The following FRAS1 variants were observed in gnomAD, a reference collection of about 807,000 sequenced individuals.
FRAS1 encodes the protein extracellular matrix organizing protein FRAS1.
FRAS1 carries 290 observed loss-of-function variants against 435.2 expected under a neutral mutation model. That is an observed-to-expected ratio of 0.67 (90% CI 0.61 to 0.73). The LOEUF (loss-of-function observed/expected upper bound fraction) is 0.73. Among genes scored for constraint, FRAS1 ranks in the 30% least tolerant of loss-of-function variants. The pLI, the probability that FRAS1 is intolerant of heterozygous loss-of-function variation, is 0.00. For synonymous variants in FRAS1, 1,800 were observed against 1,851.0 expected, an observed-to-expected ratio of 0.97 and a Z score of 0.71; for missense variants, 4,860 against 5,001.5, an observed-to-expected ratio of 0.97 and a Z score of 0.85.
chr4:78,347,960 T>C (rs1447321466), intron 20 of FRAS1, among the ~76,000 whole-genome samples: 1 of 148,600 alleles, frequency 6.7e-6, no homozygotes, highest in Admixed American at 6.8e-5. Flanking sequence ...AAACATAAAT[T>C]GGATACAAAG....
chr4:78,215,008 A>C (rs1401618972), intron 2 of FRAS1, among the ~76,000 whole-genome samples: 1 of 152,102 alleles, frequency 6.6e-6, no homozygotes, highest in Non-Finnish European at 1.5e-5. Context: ...TCAGGGGCCA[A>C]TCAGTAAACC....
chr4:78,116,101 C>G (rs1331773732), intron 2 of FRAS1, among the ~76,000 whole-genome samples: 1 of 152,144 alleles, frequency 6.6e-6, no homozygotes, highest in Non-Finnish European at 1.5e-5. Context: ...AGTAGTCATT[C>G]AGGAGCAGGT....
intron 9 of FRAS1, among the ~76,000 whole-genome samples, chr4:78,268,426 CT>C (rs1349613580): frequency 6.6e-6 from 1 of 152,094 alleles, no homozygotes; most frequent in Admixed American, 6.5e-5. Context: ...CCTTAGATGC[CT>C]TTTCATTTAT....
intron 2 of FRAS1, among the ~76,000 whole-genome samples, chr4:78,220,264 G>C (rs1181464159): frequency 2.6e-5 from 4 of 152,076 alleles, no homozygotes. Context: ...GTCTATGGCT[G>C]GTCAAATTCA....
At chr4:78,135,799 T>G (rs558043527) in intron 2 of FRAS1, among the ~76,000 whole-genome samples, 1 of 152,294 alleles carries the variant, frequency 6.6e-6, no homozygotes, top group Admixed American at 6.5e-5. Context: ...CACAACTGTA[T>G]GTGGAAGTCC....
At chr4:78,104,577 G>A (rs1742295598) in intron 2 of FRAS1, among the ~76,000 whole-genome samples, 1 of 152,162 alleles carries the variant, frequency 6.6e-6, no homozygotes, top group South Asian at 2.1e-4. Flanking sequence ...TTGCTTTCGT[G>A]TTGCCTGTTA....
At position 78,541,011 on chromosome 4, in the gene FRAS1, G is replaced by A. The variant is rs771535745; in HGVS notation, c.11926G>A (p.Val3976Ile). The A allele has an allele frequency of 5.2e-6, 8 of 1,548,768 alleles. No individual in the cohort carries two copies. Among genetic ancestry groups the A allele is most frequent in the East Asian group, 2.3e-5 (1 of 43,846 alleles). The change falls in exon 74 of 74, where the codon GTC becomes ATC. Residue 3976 changes from valine to isoleucine, a missense_variant. Physicochemically the swap from Val to Ile is conservative, Grantham distance 29 (BLOSUM62 3). Transcript: ENST00000512123. ...VNRHYCTVRN[V>I]NILSEPEAAY... Reference sequence around the variant, plus strand: ...TAGACACTACTGCACTGTGCGGAACGTCAACATCCTGAGTGAGCCTGAGGC... The same window carrying A: ...TAGACACTACTGCACTGTGCGGAACATCAACATCCTGAGTGAGCCTGAGGC...
chr4:78,372,048 C>T (rs1163729242), intron 23 of FRAS1, among the ~76,000 whole-genome samples: 1 of 152,166 alleles, frequency 6.6e-6, no homozygotes, highest in Non-Finnish European at 1.5e-5. Flanking sequence ...TATATTGCCC[C>T]CTCCTGCTGT....
intron 53 of FRAS1, among the ~76,000 whole-genome samples, chr4:78,474,636 G>A (rs1719806035): frequency 6.6e-6 from 1 of 152,030 alleles, no homozygotes; most frequent in Non-Finnish European, 1.5e-5. Flanking sequence ...ACATTTAATG[G>A]ACTAAGTGGT....
At chr4:78,528,390 CT>C (rs2109900112) in intron 70 of FRAS1, among the ~76,000 whole-genome samples, 1 of 152,258 alleles carries the variant, frequency 6.6e-6, no homozygotes, top group East Asian at 1.9e-4. Flanking sequence ...AAAAAGATTC[CT>C]CGTGTGCCTT....
intron 66 of FRAS1, 141 bp from the exon 67 acceptor site, chr4:78,519,190 C>A (rs1466890675): frequency 1.6e-6 from 1 of 615,186 alleles, no homozygotes; most frequent in Non-Finnish European, 2.5e-6. Context: ...TAAGTAAGTG[C>A]AATCATGGGC....
chr4:78,060,698 C>T (rs999560021), intron 1 of FRAS1, among the ~76,000 whole-genome samples: 7 of 152,074 alleles, frequency 4.6e-5, no homozygotes, highest in Non-Finnish European at 4.4e-5. Context: ...AACCTCTTTG[C>T]GCTATAGTTC....
intron 2 of FRAS1, among the ~76,000 whole-genome samples, chr4:78,101,000 CT>C (rs1365591744): frequency 6.6e-6 from 1 of 152,098 alleles, no homozygotes; most frequent in Non-Finnish European, 1.5e-5. Flanking sequence ...AATGGTAAAT[CT>C]TTGTTTTGTG....
intron 2 of FRAS1, among the ~76,000 whole-genome samples, chr4:78,113,066 G>A (rs1451618868): frequency 2.6e-5 from 4 of 152,124 alleles, no homozygotes; most frequent in African/African-American, 9.7e-5. Flanking sequence ...CTATGAGTGA[G>A]AACATGCGGT....
At chr4:78,334,320 C>A (rs1243150146) in intron 19 of FRAS1, among the ~76,000 whole-genome samples, 1 of 130,526 alleles carries the variant, frequency 7.7e-6, no homozygotes, top group Non-Finnish European at 1.6e-5. Context: ...TAGAGCTATA[C>A]TTTTTAATAT....
intron 19 of FRAS1, among the ~76,000 whole-genome samples, chr4:78,337,319 G>A (rs894767458): frequency 6.6e-6 from 1 of 152,096 alleles, no homozygotes; most frequent in Non-Finnish European, 1.5e-5. Flanking sequence ...TTGAGTCATG[G>A]TATGTTAGGG....
chr4:78,529,108 T>C (rs1352830392), intron 70 of FRAS1, among the ~76,000 whole-genome samples: 1 of 151,736 alleles, frequency 6.6e-6, no homozygotes, highest in Admixed American at 6.6e-5. Flanking sequence ...TGTTTGGAGG[T>C]GAGGGAGTCA....
Position 78,206,223 on chromosome 4 carries a change from G to A in FRAS1, c.109-31287G>A, listed in dbSNP as rs568494799. On this transcript the variant is annotated intron_variant, in intron 2 of 73. Transcript: ENST00000512123. The stretch of plus-strand genomic sequence containing the variant: ...GGGTCCTTTTGGGAGGGTGGCAGAG[G>A]GAGTTATACTACAGAGGAGAAGATG... 1.8e-4 allele frequency among the ~76,000 whole-genome samples: 28 copies of A among 152,146 alleles called. No homozygotes were observed. In the South Asian group the frequency reaches 5.0e-3, roughly 27 times the overall value.
At chr4:78,059,850 G>T (rs978381272) in intron 1 of FRAS1, among the ~76,000 whole-genome samples, 18 of 144,190 alleles carry the variant, frequency 1.2e-4, no homozygotes, top group African/African-American at 4.7e-4. Flanking sequence ...AGGTGGGGAT[G>T]GGGGGATGTG....
Sources: gnomAD v4.1 joint callset for allele counts (sites outside exome capture counted in the v4.1 genomes callset) on GRCh38, gnomAD v4.1.1 for gene constraint, MANE v1.5 for transcripts, NCBI Gene and HGNC (gene_info 2026-07-23, HGNC 2026-07-21) for gene names.